The following PALM2AKAP2 variants were observed in gnomAD, a reference collection of about 807,000 sequenced individuals.
PALM2AKAP2 encodes PALM2-AKAP2 fusion protein.
Under a neutral mutation model 71.5 loss-of-function variants are expected in PALM2AKAP2, and 37 were observed. The observed-to-expected ratio is 0.52, with a 90% CI of 0.40 to 0.68. The LOEUF (loss-of-function observed/expected upper bound fraction) is 0.68, where lower values mean the gene tolerates loss of function less well. Ranked by LOEUF, PALM2AKAP2 falls within the 30% of genes least tolerant of loss-of-function variation. The pLI, the probability that PALM2AKAP2 is intolerant of heterozygous loss-of-function variation, is 0.00. For missense variants in PALM2AKAP2, 1,224 were observed against 1,191.8 expected, an observed-to-expected ratio of 1.03 and a Z score of -0.40; for synonymous variants, 468 against 478.8, an observed-to-expected ratio of 0.98 and a Z score of 0.29.
intron 1 of PALM2AKAP2, among the ~76,000 whole-genome samples, chr9:109,690,060 T>C (rs1827860143): frequency 6.6e-6 from 1 of 152,054 alleles, no homozygotes; most frequent in South Asian, 2.1e-4. Context: ...AACCTGTGCT[T>C]ATCCATGGAG....
chr9:110,071,151 G>C, intron 1 of PALM2AKAP2, among the ~76,000 whole-genome samples: 1 of 31,568 alleles, frequency 3.2e-5, no homozygotes, highest in South Asian at 9.9e-4. Context: ...GCAACAGAGC[G>C]AGACTCTGTT....
In PALM2AKAP2 at chr9:109,739,596, A is replaced by T. The variant is rs1402341542; in HGVS notation, c.6-40892A>T. Among the ~76,000 whole-genome samples, 3 of 152,154 alleles carry T rather than the reference A, an allele frequency of 2.0e-5. No individual in the cohort carries two copies. In the East Asian group the frequency reaches 5.8e-4, roughly 29 times the overall value. On this transcript the variant is annotated intron_variant, in intron 1 of 6. Coordinates refer to the PALM2AKAP2 transcript ENST00000374531. ...TTCAATGATTATTTCTGGTCACACCACTAATTAGTGGCAGAATTGGTCTTG... is the reference window on the plus strand; with the variant it reads ...TTCAATGATTATTTCTGGTCACACCTCTAATTAGTGGCAGAATTGGTCTTG...
chr9:109,698,568 C>T (rs1220034703), intron 1 of PALM2AKAP2, among the ~76,000 whole-genome samples: 1 of 152,138 alleles, frequency 6.6e-6, no homozygotes, highest in Non-Finnish European at 1.5e-5. Context: ...CGTGAGCCAC[C>T]ACACCCAGCC....
intron 6 of PALM2AKAP2, among the ~76,000 whole-genome samples, chr9:109,979,137 C>G (rs1328201323): frequency 1.3e-5 from 2 of 152,110 alleles, no homozygotes; most frequent in Non-Finnish European, 2.9e-5. Flanking sequence ...GGACTACAGG[C>G]ACGCACCACC....
chr9:109,829,352 A>G (rs1357673873), intron 1 of PALM2AKAP2, among the ~76,000 whole-genome samples: 1 of 151,982 alleles, frequency 6.6e-6, no homozygotes, highest in East Asian at 1.9e-4. Context: ...TGCATTTATT[A>G]TTTCCTCTCC....
At chr9:109,996,868 G>C (rs1184155115) in intron 6 of PALM2AKAP2, among the ~76,000 whole-genome samples, 1 of 152,206 alleles carries the variant, frequency 6.6e-6, no homozygotes, top group Admixed American at 6.5e-5. Flanking sequence ...ATGTCTAAGA[G>C]TGCATGTGTG....
At chr9:109,843,084 G>A (rs143107969) in intron 1 of PALM2AKAP2, among the ~76,000 whole-genome samples, 1 of 139,422 alleles carries the variant, frequency 7.2e-6, no homozygotes, top group Non-Finnish European at 1.5e-5. Flanking sequence ...AGGTTGCGGT[G>A]AGCCGAGATC....
chr9:110,064,927 C>T (rs929690957), intron 1 of PALM2AKAP2, among the ~76,000 whole-genome samples: 4 of 152,192 alleles, frequency 2.6e-5, no homozygotes, highest in Non-Finnish European at 4.4e-5. Context: ...TAAAGACATA[C>T]TTTCTTGGGA....
At chr9:109,758,180 C>T (rs1486597204) in intron 1 of PALM2AKAP2, among the ~76,000 whole-genome samples, 1 of 152,068 alleles carries the variant, frequency 6.6e-6, no homozygotes, top group African/African-American at 2.4e-5. Flanking sequence ...ATGCTTGCTC[C>T]CCATCAGTGC....
chr9:109,844,903 G>A (rs187898774), intron 1 of PALM2AKAP2, among the ~76,000 whole-genome samples: 76 of 148,176 alleles, frequency 5.1e-4, no homozygotes, highest in African/African-American at 1.8e-3. Context: ...TGGCAGTCTT[G>A]TTCCCCCATA....
At chr9:109,997,522 C>A (rs576655482) in intron 6 of PALM2AKAP2, among the ~76,000 whole-genome samples, 10 of 152,310 alleles carry the variant, frequency 6.6e-5, no homozygotes, top group Middle Eastern at 3.4e-3. Context: ...ATTTGAGATC[C>A]TTTAACATCC....
At chr9:110,172,337 G>A (rs1170935987) in exon 4 of PALM2AKAP2, 3 of 151,018 alleles carry the variant, frequency 2.0e-5, no homozygotes, top group Admixed American at 2.0e-4. Context: ...GGGGGAGGAG[G>A]GGAAAAAAGC....
At chr9:109,811,886 T>C (rs1473335260) in intron 1 of PALM2AKAP2, among the ~76,000 whole-genome samples, 2 of 152,230 alleles carry the variant, frequency 1.3e-5, no homozygotes, top group Non-Finnish European at 2.9e-5. Context: ...TTGTATTTTC[T>C]TAAAGCAAGT....
chr9:110,111,904 C>T (rs1048942650), intron 1 of PALM2AKAP2, among the ~76,000 whole-genome samples: 7 of 152,160 alleles, frequency 4.6e-5, no homozygotes, highest in East Asian at 1.9e-4. Context: ...CCCACTCCCA[C>T]ACCCAGCCCC....
At chr9:109,876,915 G>A (rs1218225983) in intron 2 of PALM2AKAP2, among the ~76,000 whole-genome samples, 2 of 152,072 alleles carry the variant, frequency 1.3e-5, no homozygotes, top group East Asian at 3.9e-4. Context: ...GAGTCACCAG[G>A]CTGCTCTGGC....
chr9:109,891,663 G>C (rs1347330953), intron 3 of PALM2AKAP2, among the ~76,000 whole-genome samples: 1 of 152,140 alleles, frequency 6.6e-6, no homozygotes. Flanking sequence ...GCTGATGTTT[G>C]TATTTTTCGT....
chr9:109,807,380 A>G (rs1465629800), intron 1 of PALM2AKAP2, among the ~76,000 whole-genome samples: 1 of 152,200 alleles, frequency 6.6e-6, no homozygotes, highest in Admixed American at 6.5e-5. Flanking sequence ...AAAATGCCAT[A>G]GACTGGGTGG....
chr9:109,953,625 C>T (rs371560580), intron 6 of PALM2AKAP2, among the ~76,000 whole-genome samples: 6 of 152,014 alleles, frequency 3.9e-5, no homozygotes, highest in Admixed American at 3.3e-4. Flanking sequence ...ATCATGAGGT[C>T]GGAAGATAGA....
chr9:109,710,583 C>T (rs1828218192), intron 1 of PALM2AKAP2, among the ~76,000 whole-genome samples: 1 of 152,182 alleles, frequency 6.6e-6, no homozygotes, highest in African/African-American at 2.4e-5. Context: ...GGAAGTAGCA[C>T]TTGTTGATCA....
Sources: gnomAD v4.1 joint callset for allele counts (sites outside exome capture counted in the v4.1 genomes callset) on GRCh38, gnomAD v4.1.1 for gene constraint, MANE v1.5 for transcripts, NCBI Gene and HGNC (gene_info 2026-07-23, HGNC 2026-07-21) for gene names.